COP1: variants seen among roughly 807,000 people sequenced by gnomAD.
COP1 encodes the protein COP1 E3 ubiquitin ligase, also known as E3 ubiquitin-protein ligase COP1.
A neutral mutation model predicts 101.3 loss-of-function variants in COP1; 24 were observed. The ratio of observed to expected loss-of-function variants is 0.24; its 90% CI spans 0.17 to 0.33. The LOEUF (loss-of-function observed/expected upper bound fraction) is 0.33, where lower values mean the gene tolerates loss of function less well. COP1 is among the 10% of genes least tolerant of loss of function. The pLI, the probability that COP1 is intolerant of heterozygous loss-of-function variation, is 1.00. For missense variants in COP1, 663 were observed against 906.2 expected (o/e 0.73, Z 3.45); for synonymous variants, 347 against 341.9 (o/e 1.01, Z -0.17).
intron 5 of COP1, among the ~76,000 whole-genome samples, chr1:176,157,798 C>T (rs552401133): frequency 3.0e-4 from 46 of 152,118 alleles, no homozygotes; most frequent in African/African-American, 1.1e-3. Flanking sequence ...AAAATATATC[C>T]TACAATAAGG....
At chr1:176,092,385 T>C (rs894443353) in intron 9 of COP1, among the ~76,000 whole-genome samples, 1 of 152,160 alleles carries the variant, frequency 6.6e-6, no homozygotes, top group Non-Finnish European at 1.5e-5. Flanking sequence ...AAATTATAAA[T>C]TGCATGACAT....
chr1:176,130,846 A>G (rs1688762289), intron 8 of COP1, among the ~76,000 whole-genome samples: 1 of 151,880 alleles, frequency 6.6e-6, no homozygotes, highest in African/African-American at 2.4e-5. Flanking sequence ...AAAGTAATAC[A>G]TATTATAGAA....
intron 18 of COP1, among the ~76,000 whole-genome samples, chr1:175,972,423 T>A (rs1013584563): frequency 6.6e-6 from 1 of 151,660 alleles, no homozygotes; most frequent in Non-Finnish European, 1.5e-5. Context: ...ACACATACCA[T>A]CTGAGGCCCA....
chr1:176,112,223 C>CAA (rs1186171855), intron 9 of COP1, among the ~76,000 whole-genome samples: 9 of 134,380 alleles, frequency 6.7e-5, no homozygotes, highest in African/African-American at 2.4e-4. Context: ...AAAATATTTC[C>CAA]AAAAAAAAAA....
chr1:176,004,050 T>A (rs1277699164), intron 15 of COP1, among the ~76,000 whole-genome samples: 3 of 147,030 alleles, frequency 2.0e-5, no homozygotes, highest in East Asian at 2.0e-4. Flanking sequence ...GTAGTTCTCC[T>A]TGAAGAGGTC....
At chr1:176,140,872 T>C (rs1284660305) in intron 6 of COP1, among the ~76,000 whole-genome samples, 2 of 152,168 alleles carry the variant, frequency 1.3e-5, no homozygotes, top group Non-Finnish European at 1.5e-5. Context: ...TTTGAGGGCA[T>C]GGGACTAAAG....
intron 2 of COP1, among the ~76,000 whole-genome samples, chr1:176,179,893 T>G (rs527830206): frequency 7.3e-5 from 11 of 150,796 alleles, no homozygotes; most frequent in African/African-American, 2.2e-4. Context: ...TAGCTGGAAG[T>G]AACTGTCCTC....
At chr1:176,013,629 C>A (rs567847141) in intron 15 of COP1, among the ~76,000 whole-genome samples, 23 of 152,268 alleles carry the variant, frequency 1.5e-4, no homozygotes, top group Admixed American at 4.6e-4. Flanking sequence ...TGTATTTCAA[C>A]TCACCATATA....
chr1:176,157,204 TAAC>T (rs1008491379), intron 5 of COP1, among the ~76,000 whole-genome samples: 13 of 151,778 alleles, frequency 8.6e-5, no homozygotes, highest in Non-Finnish European at 1.3e-4. Flanking sequence ...AAAAAAATAA[TAAC>T]AACAACAATA....
At chr1:176,064,770 C>G (rs974471795) in intron 11 of COP1, among the ~76,000 whole-genome samples, 5 of 152,056 alleles carry the variant, frequency 3.3e-5, no homozygotes, top group Admixed American at 2.0e-4. Context: ...GCCCCTGCCT[C>G]AGCCTCCTGG....
chr1:176,136,019 A>G (rs1442999419), intron 7 of COP1, among the ~76,000 whole-genome samples: 1 of 152,074 alleles, frequency 6.6e-6, no homozygotes, highest in African/African-American at 2.4e-5. Context: ...AATACCCTAT[A>G]AGACTCCCAA....
At chr1:175,965,777 T>A (rs2148562562) in intron 18 of COP1, among the ~76,000 whole-genome samples, 2 of 151,912 alleles carry the variant, frequency 1.3e-5, no homozygotes, top group Admixed American at 1.3e-4. Context: ...GGAGACGGGG[T>A]TTCATCATGT....
At chr1:176,126,136 T>A (rs1687946249) in intron 8 of COP1, among the ~76,000 whole-genome samples, 1 of 152,234 alleles carries the variant, frequency 6.6e-6, no homozygotes, top group African/African-American at 2.4e-5. Context: ...TATAGGTTTT[T>A]CCAAATATAA....
intron 1 of COP1, among the ~76,000 whole-genome samples, chr1:176,196,367 T>C (rs1432819177): frequency 1.3e-5 from 2 of 151,980 alleles, no homozygotes; most frequent in Admixed American, 1.3e-4. Context: ...AGCTAAACCA[T>C]TCAAGGAAAA....
intron 9 of COP1, among the ~76,000 whole-genome samples, chr1:176,104,555 T>C (rs1201325678): frequency 6.6e-6 from 1 of 152,108 alleles, no homozygotes; most frequent in South Asian, 2.1e-4. Flanking sequence ...TATGAAAACA[T>C]AGTCAATCTC....
At position 175,947,218 on chromosome 1, in the gene COP1, C is replaced by A; in HGVS notation, c.2155G>T (p.Ala719Ser). 6.2e-7 allele frequency: 1 copy of A among 1,610,332 alleles called. No homozygotes were observed. Among genetic ancestry groups the A allele is most frequent in the Non-Finnish European group, 8.5e-7 (1 of 1,176,618 alleles). ...ACCTTAATTGTACCCTGACTGTTAG[C>A]AGCAATCAGCACATTGGACTCCTAG... ...PDGESNVLIA[A>S]NSQGTIKVLE... The change falls in exon 19 of 20, where the codon GCT becomes TCT. Residue 719 changes from alanine (A) to serine (S), a missense_variant. Physicochemically the swap from Ala to Ser is moderately conservative, Grantham distance 99. Transcript: ENST00000367669.
intron 15 of COP1, among the ~76,000 whole-genome samples, chr1:176,026,439 T>C (rs1036089394): frequency 3.3e-5 from 5 of 152,028 alleles, no homozygotes; most frequent in African/African-American, 1.2e-4. Flanking sequence ...ATGTTACAGA[T>C]AAAAAACTTG....
intron 1 of COP1, among the ~76,000 whole-genome samples, chr1:176,199,946 C>G (rs1374677698): frequency 6.6e-6 from 1 of 152,264 alleles, no homozygotes; most frequent in Middle Eastern, 3.4e-3. Context: ...TAATTTTAAA[C>G]AAAATCAGCC....
intron 8 of COP1, among the ~76,000 whole-genome samples, chr1:176,131,908 T>C (rs1021527107): frequency 7.9e-5 from 12 of 151,812 alleles, no homozygotes; most frequent in African/African-American, 2.4e-5. Context: ...TTTTCCCTTC[T>C]TGAACTGCTA....
Sources: gnomAD v4.1 joint callset for allele counts (sites outside exome capture counted in the v4.1 genomes callset) on GRCh38, gnomAD v4.1.1 for gene constraint, MANE v1.5 for transcripts, NCBI Gene and HGNC (gene_info 2026-07-23, HGNC 2026-07-21) for gene names.